IMPG2: variants seen among roughly 807,000 people sequenced by gnomAD.
IMPG2 encodes the protein IPM 200.
IMPG2 carries 91 observed loss-of-function variants against 129.2 expected under a neutral mutation model. The observed-to-expected ratio is 0.70, with a 90% CI of 0.59 to 0.84. The LOEUF (loss-of-function observed/expected upper bound fraction) is 0.84, where lower values mean the gene tolerates loss of function less well. IMPG2 is among the 40% of genes least tolerant of loss of function. IMPG2 has a pLI of 0.00. For synonymous variants in IMPG2, 510 were observed against 517.7 expected (o/e 0.99, Z 0.20); for missense variants, 1,430 against 1,461.7 (o/e 0.98, Z 0.35).
intron 2 of IMPG2, among the ~76,000 whole-genome samples, chr3:101,311,389 G>C (rs1205030309): frequency 1.3e-5 from 2 of 151,950 alleles, no homozygotes; most frequent in Admixed American, 6.6e-5. Flanking sequence ...ATATAAAACT[G>C]ATATACAAAA....
Position 101,253,690 on chromosome 3 carries a change from A to T in IMPG2, c.1239+6T>A, listed in dbSNP as rs766767916. 77 of 1,602,010 alleles carry T rather than the reference A, an allele frequency of 4.8e-5. No homozygotes were observed. Among genetic ancestry groups the T allele is most frequent in the Admixed American group, 1.3e-4 (8 of 59,584 alleles). On this transcript the variant is annotated splice_donor_region_variant and intron_variant, in intron 11 of 18. Coordinates refer to ENST00000193391, the MANE Select transcript of IMPG2 (RefSeq NM_016247.4). ...CCTGGTTCTAGCATAAAACATAAAAACATACCAGAATAGATGACGGCGTTG... is the reference window on the plus strand; with the variant it reads ...CCTGGTTCTAGCATAAAACATAAAATCATACCAGAATAGATGACGGCGTTG...
At chr3:101,304,089 G>T in intron 3 of IMPG2, 57 bp downstream of exon 3, 1 of 1,576,430 alleles carries the variant, frequency 6.3e-7, no homozygotes, top group Non-Finnish European at 8.7e-7. Context: ...TTAGGCCTTA[G>T]CTGTGTAAAT....
intron 3 of IMPG2, among the ~76,000 whole-genome samples, chr3:101,303,571 T>C (rs1182106637): frequency 1.3e-5 from 2 of 152,196 alleles, no homozygotes; most frequent in Non-Finnish European, 2.9e-5. Context: ...CATGAATACA[T>C]ATGTGCTACA....
At chr3:101,264,405 A>C (rs1706701515) in intron 9 of IMPG2, among the ~76,000 whole-genome samples, 1 of 152,114 alleles carries the variant, frequency 6.6e-6, no homozygotes, top group African/African-American at 2.4e-5. Context: ...ACATATGCAA[A>C]TCAATAAGGA....
chr3:101,258,604 AATT>A (rs1439565730), intron 9 of IMPG2, among the ~76,000 whole-genome samples: 15 of 152,084 alleles, frequency 9.9e-5, no homozygotes, highest in Non-Finnish European at 2.2e-4. Context: ...CTCATTAATG[AATT>A]ATGTAAAACC....
intron 2 of IMPG2, among the ~76,000 whole-genome samples, chr3:101,313,275 A>G (rs191826509): frequency 6.6e-6 from 1 of 152,262 alleles, no homozygotes; most frequent in Non-Finnish European, 1.5e-5. Context: ...CTCAGAAAGG[A>G]GAAACCTAGA....
chr3:101,258,096 G>C (rs752752975), intron 9 of IMPG2, among the ~76,000 whole-genome samples: 1 of 151,996 alleles, frequency 6.6e-6, no homozygotes, highest in Non-Finnish European at 1.5e-5. Context: ...TCTTCACTAT[G>C]AGCCTACTTC....
chr3:101,231,238 G>C lies in IMPG2; in HGVS notation c.3234-93C>G. 5 of 1,200,606 alleles carry C rather than the reference G, an allele frequency of 4.2e-6. No individual in the cohort carries two copies. The South Asian group carries it at 6.1e-5, about 15-fold the overall frequency. The allele number at this position is 1,200,606 out of a possible 1,614,324, so 74.4% of individuals were successfully genotyped here. A position where few individuals can be genotyped will look rare whatever the true frequency, so the allele number is the denominator to read the frequency against. On this transcript the variant is annotated intron_variant, in intron 15 of 18. Coordinates refer to ENST00000193391, the MANE Select transcript of IMPG2 (RefSeq NM_016247.4). ...CCTTCTGAGGGACTAGAGGAAAGTA[G>C]AGAAATAAATGCTGACCACGTGAAG...
At position 101,244,404 on chromosome 3, in the gene IMPG2, C is replaced by G; in HGVS notation, c.1927G>C (p.Glu643Gln). The change falls in exon 13 of 19, where the codon GAG (glutamate) becomes CAG (glutamine). Residue 643 changes from glutamate (E) to glutamine (Q), a missense_variant. By Grantham distance (29) the Glu-to-Gln change is conservative. Transcript: ENST00000193391. ...LEDDDSLLPAEIEDKKLVLVD... is the reference protein window; with the variant it reads ...LEDDDSLLPAQIEDKKLVLVD... The stretch of plus-strand genomic sequence containing the variant: ...AAAACTAGTTTCTTGTCTTCAATCT[C>G]AGCTGGCAAAAGTGAATCATCATCT... 1.9e-6 allele frequency: 3 copies of G among 1,614,160 alleles called. No individual in the cohort carries two copies. The highest frequency in any genetic ancestry group is 2.5e-6 in the Non-Finnish European group (3 of 1,180,022).
At position 101,232,777 on chromosome 3, in the gene IMPG2, A is replaced by C. The variant is rs1156970990; in HGVS notation, c.3233+4T>G. The C allele has an allele frequency of 6.2e-7, 1 of 1,612,844 alleles. No homozygotes were observed. The highest frequency in any genetic ancestry group is 1.1e-5 in the South Asian group (1 of 91,026). On this transcript the variant is annotated splice_donor_region_variant and intron_variant, in intron 15 of 18. Transcript: ENST00000193391. ...TAAAGTCAAAATCTGTAACTACAAC[A>C]TACCTACAAATGGCCCCGTGCCCAG...
intron 3 of IMPG2, among the ~76,000 whole-genome samples, chr3:101,298,497 G>A (rs1018983084): frequency 2.0e-5 from 3 of 152,134 alleles, no homozygotes; most frequent in Admixed American, 2.0e-4. Flanking sequence ...TAGTGTCATT[G>A]GTCTTTATAT....
intron 2 of IMPG2, among the ~76,000 whole-genome samples, chr3:101,304,601 C>A (rs556165948): frequency 7.9e-5 from 12 of 152,276 alleles, no homozygotes; most frequent in Admixed American, 7.2e-4. Flanking sequence ...GTTTATACTT[C>A]ACAAAAGTGG....
rs182432885 is a variant in IMPG2, at chr3:101,271,261, C to T, written c.829-1688G>A. On this transcript the variant is annotated intron_variant, in intron 7 of 18. Coordinates refer to ENST00000193391, the MANE Select transcript of IMPG2 (RefSeq NM_016247.4). ...CTTCTTTTTTCAGAACTAATACTTC[C>T]CTGCTCACCTACCATATTGATTTTA... Among the ~76,000 whole-genome samples the T allele has an allele frequency of 3.9e-5, 6 of 152,170 alleles. No individual in the cohort carries two copies. The East Asian group carries it at 1.2e-3, about 29-fold the overall frequency.
chr3:101,274,196 T>TAATA (rs1232308083), intron 6 of IMPG2, among the ~76,000 whole-genome samples: 1 of 151,808 alleles, frequency 6.6e-6, no homozygotes, highest in African/African-American at 2.4e-5. Context: ...TTCAAAAAAA[T>TAATA]AATAAATAAA....
At chr3:101,229,350 C>T (rs570505384) in intron 17 of IMPG2, 30 bp downstream of exon 17, 221 of 1,334,400 alleles carry the variant, frequency 1.7e-4, no homozygotes, top group Admixed American at 3.9e-4. Context: ...GCAGTAGCTG[C>T]GACAGCAACA....
chr3:101,227,474 T>C (rs1027083218), intron 18 of IMPG2, among the ~76,000 whole-genome samples: 1 of 152,238 alleles, frequency 6.6e-6, no homozygotes, highest in Non-Finnish European at 1.5e-5. Flanking sequence ...AAGGCTCTCC[T>C]GAATCCTTCC....
In IMPG2 at chr3:101,283,520, C is replaced by T. The variant is rs9917767; in HGVS notation, c.534-6807G>A. ...TTTCATAGAAAGTTTTTGAATAAAC[C>T]CCATAAATTTGTTTGTTCTAAGACT... On this transcript the variant is annotated intron_variant, in intron 4 of 18. Coordinates refer to ENST00000193391, the MANE Select transcript of IMPG2 (RefSeq NM_016247.4). Among the ~76,000 whole-genome samples the T allele has an allele frequency of 5.7e-3, 869 of 151,898 alleles. 9 individuals are homozygous for T. The highest frequency in any genetic ancestry group is 0.02 in the African/African-American group (812 of 41,400).
Position 101,318,882 on chromosome 3 carries a change from G to A in IMPG2, c.334+702C>T, listed in dbSNP as rs116192760. On this transcript the variant is annotated intron_variant, in intron 2 of 18. Transcript: ENST00000193391. ...CAGAATTGACTTACATAAAAAGTAT[G>A]AGATCAAGAATACTGTTTAAAGACA... Among the ~76,000 whole-genome samples, 1,006 of 152,184 alleles carry A rather than the reference G, an allele frequency of 6.6e-3. 8 individuals carry two copies. The highest frequency in any genetic ancestry group is 0.023 in the African/African-American group (960 of 41,534).
At chr3:101,319,124 T>C (rs1228559259) in intron 2 of IMPG2, among the ~76,000 whole-genome samples, 1 of 152,108 alleles carries the variant, frequency 6.6e-6, no homozygotes, top group Non-Finnish European at 1.5e-5. Flanking sequence ...TTTACTGTAA[T>C]GAAGAAGTAA....
Sources: gnomAD v4.1 joint callset for allele counts (sites outside exome capture counted in the v4.1 genomes callset) on GRCh38, gnomAD v4.1.1 for gene constraint, MANE v1.5 for transcripts, NCBI Gene and HGNC (gene_info 2026-07-23, HGNC 2026-07-21) for gene names.